CACNA2D1: variants seen among roughly 807,000 people sequenced by gnomAD.
CACNA2D1 encodes the protein voltage-dependent calcium channel subunit alpha-2/delta-1.
CACNA2D1 carries 53 observed loss-of-function variants against 171.5 expected under a neutral mutation model. The ratio of observed to expected loss-of-function variants is 0.31; its 90% CI spans 0.25 to 0.39. The LOEUF (loss-of-function observed/expected upper bound fraction) is 0.39. Ranked by LOEUF, CACNA2D1 falls within the 10% of genes least tolerant of loss-of-function variation. CACNA2D1 has a pLI of 1.00. For synonymous variants in CACNA2D1, 442 were observed against 443.1 expected (o/e 1.00, Z 0.03); for missense variants, 903 against 1,299.8 (o/e 0.69, Z 4.69).
At chr7:82,044,213 T>TC (rs1804279039) in intron 10 of CACNA2D1, among the ~76,000 whole-genome samples, 1 of 152,102 alleles carries the variant, frequency 6.6e-6, no homozygotes, top group Non-Finnish European at 1.5e-5. Context: ...TCGCATCCCT[T>TC]CCCCTCAGAA....
intron 11 of CACNA2D1, 98 bp from the exon 12 acceptor site, chr7:82,032,999 T>C (rs1802898949): frequency 2.8e-6 from 2 of 726,368 alleles, no homozygotes; most frequent in Admixed American, 1.9e-5. Flanking sequence ...TTGCAAGTAA[T>C]TAATGAAATA....
At chr7:82,177,066 CTATT>C (rs1292828933) in intron 3 of CACNA2D1, among the ~76,000 whole-genome samples, 6 of 23,376 alleles carry the variant, frequency 2.6e-4, no homozygotes, top group African/African-American at 9.3e-4. Flanking sequence ...CTACAGGTCT[CTATT>C]TTTTTTTTTT....
At chr7:82,296,948 A>G (rs1812355800) in intron 3 of CACNA2D1, among the ~76,000 whole-genome samples, 1 of 151,822 alleles carries the variant, frequency 6.6e-6, no homozygotes, top group Non-Finnish European at 1.5e-5. Flanking sequence ...GTAAAAACTC[A>G]TATTGGCGGG....
chr7:82,400,309 C>A (rs1329345099), intron 1 of CACNA2D1, among the ~76,000 whole-genome samples: 1 of 150,398 alleles, frequency 6.6e-6, no homozygotes, highest in Admixed American at 6.7e-5. Context: ...GCCATTTTCA[C>A]GATATTGATT....
chr7:81,992,848 C>T (rs1205519789), intron 20 of CACNA2D1, among the ~76,000 whole-genome samples: 1 of 152,016 alleles, frequency 6.6e-6, no homozygotes, highest in African/African-American at 2.4e-5. Context: ...TAAATTCTAC[C>T]ATCTTTCAGT....
intron 10 of CACNA2D1, among the ~76,000 whole-genome samples, chr7:82,059,541 C>T (rs533884752): frequency 2.0e-4 from 30 of 152,122 alleles, no homozygotes; most frequent in Admixed American, 3.3e-4. Context: ...GGAGTTTCAA[C>T]GGTGTCCGTG....
chr7:82,404,124 G>A (rs1412652519), intron 1 of CACNA2D1, among the ~76,000 whole-genome samples: 3 of 152,254 alleles, frequency 2.0e-5, no homozygotes, highest in African/African-American at 7.2e-5. Context: ...GCCAAAGGAC[G>A]ACACCAAGGA....
chr7:82,337,601 T>C (rs1818146801), intron 2 of CACNA2D1, among the ~76,000 whole-genome samples: 1 of 152,224 alleles, frequency 6.6e-6, no homozygotes, highest in African/African-American at 2.4e-5. Flanking sequence ...TAAATAATTA[T>C]CTGCTTTGCC....
intron 3 of CACNA2D1, among the ~76,000 whole-genome samples, chr7:82,174,244 G>A (rs1327718118): frequency 6.6e-6 from 1 of 151,328 alleles, no homozygotes; most frequent in Non-Finnish European, 1.5e-5. Flanking sequence ...CTTAAAACCA[G>A]ACTGAGCACC....
Position 81,983,281 on chromosome 7 carries a change from C to G in CACNA2D1, c.1894+33G>C, listed in dbSNP as rs377612165. 2.5e-6 allele frequency: 4 copies of G among 1,575,356 alleles called. 1 individual carries two copies. The South Asian group carries it at 3.3e-5, about 13-fold the overall frequency. The stretch of plus-strand genomic sequence containing the variant: ...CAGTGGAAATGTCAAGTGTACTAAA[C>G]AGAAAGAAGTTGAGCAACAAGAAAA... On this transcript the variant is annotated intron_variant, in intron 23 of 38. Transcript: ENST00000356860.
intron 24 of CACNA2D1, among the ~76,000 whole-genome samples, chr7:81,980,254 G>A (rs1042009691): frequency 6.6e-6 from 1 of 150,940 alleles, no homozygotes; most frequent in Admixed American, 6.6e-5. Context: ...TTAGAGTACG[G>A]GTAGGGAAAC....
chr7:82,099,422 C>CTTTTTTTTTTTTTTTTTTTTTTT lies in CACNA2D1; in HGVS notation c.527-14545_527-14523dup, dbSNP rs932080938. Among the ~76,000 whole-genome samples, 8 of 40,292 alleles carry CTTTTTTTTTTTTTTTTTTTTTTT rather than the reference C, an allele frequency of 2.0e-4. 1 individual carries two copies. Among genetic ancestry groups the CTTTTTTTTTTTTTTTTTTTTTTT allele is most frequent in the African/African-American group, 3.8e-4 (4 of 10,620 alleles). 26.4% of individuals were successfully genotyped at this position (40,292 alleles called of 152,430 possible). On this transcript the variant is annotated intron_variant, in intron 6 of 38. Coordinates refer to ENST00000356860, the MANE Select transcript of CACNA2D1 (RefSeq NM_000722.4). The stretch of plus-strand genomic sequence containing the variant: ...ACTCTAAAACAGGTAGCAATACCTT[C>CTTTTTTTTTTTTTTTTTTTTTTT]TTTTTTTTTTTTTTTTTTTTTTTTT...
At chr7:82,143,897 G>A (rs1050354233) in intron 4 of CACNA2D1, among the ~76,000 whole-genome samples, 3 of 152,120 alleles carry the variant, frequency 2.0e-5, no homozygotes, top group African/African-American at 7.2e-5. Flanking sequence ...AACATGTAGG[G>A]TTCTTTGGTA....
At chr7:82,220,781 C>CTTTTTTTTTT (rs71093369) in intron 3 of CACNA2D1, among the ~76,000 whole-genome samples, 5 of 134,438 alleles carry the variant, frequency 3.7e-5, no homozygotes, top group Non-Finnish European at 6.2e-5. Flanking sequence ...TTTCTTTTTT[C>CTTTTTTTTTT]TTTTTTTTTT....
Position 81,974,452 on chromosome 7 carries a change from T to A in CACNA2D1, c.2053+3A>T, listed in dbSNP as rs1584248532. On this transcript the variant is annotated splice_donor_region_variant and intron_variant, in intron 25 of 38. Coordinates refer to ENST00000356860, the MANE Select transcript of CACNA2D1 (RefSeq NM_000722.4). ...CAATCATTTTGAATTAATGCATACT[T>A]ACATGATGGGTTGTTTGGAGTTTTT... 1 of 1,434,832 alleles carries A rather than the reference T, an allele frequency of 7.0e-7. No homozygotes were observed. The highest frequency in any genetic ancestry group is 1.4e-5 in the African/African-American group (1 of 71,378). 88.9% of individuals were successfully genotyped at this position (1,434,832 alleles called of 1,614,324 possible). A position where few individuals can be genotyped will look rare whatever the true frequency, so the allele number is the denominator to read the frequency against.
chr7:81,970,816 A>G, intron 26 of CACNA2D1, 79 bp from the exon 27 acceptor site: 1 of 830,652 alleles, frequency 1.2e-6, no homozygotes, highest in South Asian at 1.3e-5. Context: ...TGATACAAAG[A>G]GAAGTAAGTT....
chr7:81,965,113 T>C (rs954962397), intron 32 of CACNA2D1, among the ~76,000 whole-genome samples: 7 of 151,658 alleles, frequency 4.6e-5, no homozygotes, highest in East Asian at 2.0e-4. Flanking sequence ...AAGCCCAGGG[T>C]TGAGATATTT....
intron 4 of CACNA2D1, among the ~76,000 whole-genome samples, chr7:82,168,753 T>A (rs998708679): frequency 6.6e-6 from 1 of 152,090 alleles, no homozygotes; most frequent in Non-Finnish European, 1.5e-5. Flanking sequence ...TGCCAAGTTA[T>A]TTTTTTCCAC....
chr7:82,385,540 T>C (rs2129449887), intron 1 of CACNA2D1, among the ~76,000 whole-genome samples: 1 of 152,356 alleles, frequency 6.6e-6, no homozygotes, highest in South Asian at 2.1e-4. Flanking sequence ...AATGCTAACA[T>C]ATTGTCTGTT....
Sources: gnomAD v4.1 joint callset for allele counts (sites outside exome capture counted in the v4.1 genomes callset) on GRCh38, gnomAD v4.1.1 for gene constraint, MANE v1.5 for transcripts, NCBI Gene and HGNC (gene_info 2026-07-23, HGNC 2026-07-21) for gene names.